ARSD: variants seen among roughly 807,000 people sequenced by gnomAD.
The protein encoded by ARSD is arylsulfatase D.
Under a neutral mutation model 32.6 loss-of-function variants are expected in ARSD, and 21 were observed. That is an observed-to-expected ratio of 0.64 (90% CI 0.46 to 0.93). ARSD has a LOEUF of 0.93. Among genes scored for constraint, ARSD ranks in the 40% least tolerant of loss-of-function variants. The pLI is 0.00. For synonymous variants in ARSD, 224 were observed against 237.4 expected, an observed-to-expected ratio of 0.94 and a Z score of 0.52; for missense variants, 454 against 520.9, an observed-to-expected ratio of 0.87 and a Z score of 1.25.
chrX:2,924,094 G>A (rs1323108747), intron 2 of ARSD, among the ~76,000 whole-genome samples: 3 of 112,303 alleles, frequency 2.7e-5, no homozygotes, highest in Non-Finnish European at 5.6e-5. Flanking sequence ...ATGCAGTGGC[G>A]CAACCTCAGC....
At chrX:2,920,403 C>G (rs1439141821) in intron 4 of ARSD, 198 bp downstream of exon 4, 8 of 426,408 alleles carry the variant, frequency 1.9e-5, no homozygotes, top group Non-Finnish European at 2.8e-5. Context: ...CAGAGTCTCG[C>G]TTTGTCACCT....
In ARSD at chrX:2,922,005, G is replaced by A; in HGVS notation, c.214C>T (p.Leu72Phe). ...GTGAGCCTCACACCTTCCTCTGCAA[G>A]CTGGTCAATATTCGGCGTTCTGAGC... is the stretch of plus-strand genomic sequence containing the variant. Reference protein sequence around the residue: ...NTLRTPNIDQLAEEGVRLTQH... With the variant: ...NTLRTPNIDQFAEEGVRLTQH... The change falls in exon 3 of 10, where the codon CTT becomes TTT. Residue 72 changes from leucine (L) to phenylalanine (F), a missense_variant. Around this residue, in one of 3 missense-constraint regions of ARSD, gnomAD observed 271 missense variants for 301.0 expected, o/e 0.90. Coordinates refer to ENST00000381154, the MANE Select transcript of ARSD (RefSeq NM_001669.4). 8.3e-7 allele frequency: 1 copy of A among 1,207,613 alleles called. No homozygotes were observed.
intron 2 of ARSD, among the ~76,000 whole-genome samples, chrX:2,922,442 A>G (rs1437379278): frequency 9.1e-6 from 1 of 110,336 alleles, no homozygotes; most frequent in Non-Finnish European, 1.9e-5. Flanking sequence ...TGAATCTGCC[A>G]TCAGCACCAA....
chrX:2,923,869 A>G (rs2089055179), intron 2 of ARSD, among the ~76,000 whole-genome samples: 2 of 112,216 alleles, frequency 1.8e-5, no homozygotes, highest in South Asian at 7.4e-4. Flanking sequence ...CTTTGGGGGT[A>G]TGCAAATGCT....
chrX:2,907,482 G>C lies in ARSD; in HGVS notation c.1571C>G (p.Ser524Cys). 1 of 1,208,400 alleles carries C rather than the reference G, an allele frequency of 8.3e-7. No homozygotes were observed. Among genetic ancestry groups the C allele is most frequent in the East Asian group, 3.0e-5 (1 of 33,711 alleles). ...GTCGGGGGTCAGGGGCCGTGCCTCG[G>C]AGGGGTCCCTGGAGAGGTCAAAGAG... ...PLLFDLSRDPSEARPLTPDSE... is the reference protein window; with the variant it reads ...PLLFDLSRDPCEARPLTPDSE... Residue 524 changes from serine (S) to cysteine (C), a missense_variant, in exon 10 of 10, where the codon TCC becomes TGC. By Grantham distance (112) the Ser-to-Cys change is moderately radical. Transcript: ENST00000381154.
intron 6 of ARSD, among the ~76,000 whole-genome samples, chrX:2,912,409 C>T (rs777486158): frequency 9.0e-6 from 1 of 111,341 alleles, no homozygotes; most frequent in Non-Finnish European, 1.9e-5. Flanking sequence ...CAAGGTACGT[C>T]TTACACGTGC....
At position 2,923,237 on chromosome X, in the gene ARSD, G is replaced by A. The variant is rs184021537; in HGVS notation, c.195-1213C>T. 7.7e-5 allele frequency: 19 copies of A among 245,590 alleles called. No individual in the cohort carries two copies. In the East Asian group the frequency reaches 3.3e-3, roughly 43 times the overall value. The allele number at this position is 245,590 out of a possible 1,213,427, so 20.2% of individuals were successfully genotyped here. A position where few individuals can be genotyped will look rare whatever the true frequency, so the allele number is the denominator to read the frequency against. On this transcript the variant is annotated intron_variant, in intron 2 of 9. Transcript: ENST00000381154. ...GCCTGTCATCCCAGCACTTTGGGGG[G>A]CTAAGGTGGGTGGATCACTTGAGGC...
At chrX:2,908,024 G>A (rs1444763083) in intron 9 of ARSD, 1 of 710,292 alleles carries the variant, frequency 1.4e-6, no homozygotes, top group African/African-American at 2.3e-5. Context: ...CAGCATGATT[G>A]GGTACTTATC....
intron 8 of ARSD, 68 bp downstream of exon 8, chrX:2,909,749 G>GAA: frequency 2.1e-6 from 2 of 941,230 alleles, no homozygotes; most frequent in East Asian, 3.7e-5. Flanking sequence ...AAATCCTATT[G>GAA]AAATAAAAAA....
intron 8 of ARSD, among the ~76,000 whole-genome samples, chrX:2,909,354 A>C (rs999730703): frequency 1.8e-5 from 2 of 110,568 alleles, no homozygotes; most frequent in African/African-American, 3.3e-5. Context: ...CACTCGGCCA[A>C]TTTTTGTATT....
In ARSD at chrX:2,917,498, G is replaced by C. The variant is rs775299754; in HGVS notation, c.863+306C>G. Among the ~76,000 whole-genome samples the C allele has an allele frequency of 7.3e-5, 8 of 110,177 alleles. No individual in the cohort carries two copies. The East Asian group carries it at 2.0e-3, about 28-fold the overall frequency. On this transcript the variant is annotated intron_variant, in intron 5 of 9. Coordinates refer to ENST00000381154, the MANE Select transcript of ARSD (RefSeq NM_001669.4). ...CTTTATTTTTATTTTTTTAGCGACA[G>C]AGTCTCACTCTGTCACCCAGGCTGA... is the stretch of plus-strand genomic sequence containing the variant.
rs552229324 is a variant in ARSD at position 2,910,184 on chromosome X, C to T, written c.1136-205G>A. ...CCTGGCCTCTTGAATATCGGTGGGT[C>T]GCTGTGGCTGATTCAACTGTTCTAG... On this transcript the variant is annotated intron_variant, in intron 7 of 9. Coordinates refer to ENST00000381154, the MANE Select transcript of ARSD (RefSeq NM_001669.4). Among the ~76,000 whole-genome samples, 41 of 110,516 alleles carry T rather than the reference C, an allele frequency of 3.7e-4. No homozygotes were observed. In the South Asian group the frequency reaches 0.014, roughly 37 times the overall value.
intron 6 of ARSD, among the ~76,000 whole-genome samples, chrX:2,912,139 A>G: frequency 8.9e-6 from 1 of 111,981 alleles, no homozygotes; most frequent in Middle Eastern, 4.6e-3. Flanking sequence ...ACCCTGTTTA[A>G]AAAAGAAAAA....
intron 6 of ARSD, chrX:2,913,979 T>A: frequency 2.9e-6 from 1 of 339,163 alleles, no homozygotes; most frequent in Non-Finnish European, 3.9e-6. Context: ...CTGCTCCCCC[T>A]TCGCCTTCCA....
At position 2,918,121 on chromosome X, in the gene ARSD, G is replaced by T; in HGVS notation, c.546C>A (p.Asn182Lys). ...CGGGGGGCCTGCCTGGGTCACAGTC[G>T]TTTGTGAGCGTGAAGGGCATGCCGT... ...YFYGMPFTLT[N>K]DCDPGRPPEV... is the part of the protein sequence containing the mutation. Residue 182 changes from asparagine to lysine, a missense_variant, in exon 5 of 10, where the codon AAC becomes AAA. By Grantham distance (94) the Asn-to-Lys change is moderately conservative (BLOSUM62 0). Around this residue, in one of 3 missense-constraint regions of ARSD, gnomAD observed 271 missense variants for 301.0 expected, o/e 0.90. Coordinates refer to ENST00000381154, the MANE Select transcript of ARSD (RefSeq NM_001669.4). 8.3e-7 allele frequency: 1 copy of T among 1,200,763 alleles called. No homozygotes were observed. The highest frequency in any genetic ancestry group is 3.0e-5 in the East Asian group (1 of 33,300).
chrX:2,908,429 A>G (rs754975728), intron 9 of ARSD, among the ~76,000 whole-genome samples: 2 of 106,185 alleles, frequency 1.9e-5, no homozygotes, highest in African/African-American at 6.9e-5. Context: ...TCCATCATCT[A>G]TCTTATCTAT....
intron 2 of ARSD, among the ~76,000 whole-genome samples, chrX:2,922,882 A>AAAAG (rs367780183): frequency 3.1e-3 from 313 of 101,107 alleles, no homozygotes; most frequent in African/African-American, 0.011. Flanking sequence ...GAAAGAAAAG[A>AAAAG]AAAGAAAGAA....
intron 2 of ARSD, among the ~76,000 whole-genome samples, chrX:2,924,626 G>A (rs187035508): frequency 1.1e-4 from 12 of 113,023 alleles, no homozygotes; most frequent in South Asian, 7.2e-4. Flanking sequence ...GGGGGTCTGC[G>A]AACCGATCTG....
rs765001357 is a variant in ARSD, at chrX:2,909,879, C to T, written c.1236G>A (p.Thr412=). The change falls in exon 8 of 10, where the codon ACG becomes ACA. Residue 412 remains threonine, a synonymous_variant. Coordinates refer to ENST00000381154, the MANE Select transcript of ARSD (RefSeq NM_001669.4). ...CAGTAGGGAACACGTCCATCAGGCT[C>T]GTGGGCTCTCCAATCACTCGGCCGG... ...LPAGRVIGEP[T]SLMDVFPTVV... is the part of the protein sequence containing the mutation. 5 of 1,208,258 alleles carry T rather than the reference C, an allele frequency of 4.1e-6. No homozygotes were observed. Among genetic ancestry groups the T allele is most frequent in the Middle Eastern group, 2.3e-4 (1 of 4,369 alleles).
Sources: gnomAD v4.1 joint callset for allele counts (sites outside exome capture counted in the v4.1 genomes callset) on GRCh38, gnomAD v4.1.1 for gene constraint, gnomAD v4.1.1 regional missense constraint, MANE v1.5 for transcripts, NCBI Gene and HGNC (gene_info 2026-07-23, HGNC 2026-07-21) for gene names.